Variants in PKIB observed in about 807,000 individuals in gnomAD.
The protein encoded by PKIB is cAMP-dependent protein kinase inhibitor beta.
In PKIB, 2 loss-of-function variants were observed where a neutral mutation model predicts 4.5. The ratio of observed to expected loss-of-function variants is 0.44; its 90% confidence interval spans 0.18 to 1.39. The LOEUF (loss-of-function observed/expected upper bound fraction) is 1.39, where lower values mean the gene tolerates loss of function less well. PKIB is among the 40% of genes most tolerant of loss of function. The pLI is 0.27. For missense variants in PKIB, 94 were observed against 92.6 expected, an observed-to-expected ratio of 1.02 and a Z score of -0.06; for synonymous variants, 38 against 36.0, an observed-to-expected ratio of 1.06 and a Z score of -0.20.
intron 3 of PKIB, among the ~76,000 whole-genome samples, chr6:122,711,626 GAC>G (rs1200146382): frequency 6.6e-6 from 1 of 152,096 alleles, no homozygotes; most frequent in Non-Finnish European, 1.5e-5. Flanking sequence ...CCCAAACACA[GAC>G]ACATACTCAA....
intron 2 of PKIB, among the ~76,000 whole-genome samples, chr6:122,488,229 C>T (rs571859979): frequency 6.6e-6 from 1 of 152,084 alleles, no homozygotes; most frequent in South Asian, 2.1e-4. Flanking sequence ...TATATATACA[C>T]ACACACACGC....
intron 1 of PKIB, among the ~76,000 whole-genome samples, chr6:122,477,060 A>G (rs1162380081): frequency 6.6e-6 from 1 of 152,230 alleles, no homozygotes; most frequent in Non-Finnish European, 1.5e-5. Flanking sequence ...AATTTTAAAG[A>G]TGCATTTAAT....
intron 3 of PKIB, among the ~76,000 whole-genome samples, chr6:122,594,057 A>G (rs1774093160): frequency 6.6e-6 from 1 of 152,182 alleles, no homozygotes; most frequent in Admixed American, 6.5e-5. Context: ...GGTTGTAATT[A>G]TGCCTAACAT....
intron 3 of PKIB, among the ~76,000 whole-genome samples, chr6:122,590,017 G>T (rs1773969436): frequency 6.6e-6 from 1 of 151,936 alleles, no homozygotes; most frequent in Admixed American, 6.6e-5. Flanking sequence ...GATATTAATA[G>T]AAATCAGAAA....
Position 122,502,707 on chromosome 6 carries a change from A to T in PKIB, c.-248+24768A>T, listed in dbSNP as rs183860894. On this transcript the variant is annotated intron_variant, in intron 2 of 6. Coordinates refer to the PKIB transcript ENST00000392491. ...GGTTGGGGACAAAGAGCTAAACCACATCATGTGTCAAACATATTTTCTTTA... is the reference window on the plus strand; with the variant it reads ...GGTTGGGGACAAAGAGCTAAACCACTTCATGTGTCAAACATATTTTCTTTA... 3.6e-3 allele frequency among the ~76,000 whole-genome samples: 554 copies of T among 152,288 alleles called. 3 individuals are homozygous for T. The highest frequency in any genetic ancestry group is 0.01 in the Middle Eastern group (3 of 294).
chr6:122,629,506 A>G (rs1386654247), intron 1 of PKIB, among the ~76,000 whole-genome samples: 1 of 152,224 alleles, frequency 6.6e-6, no homozygotes, highest in African/African-American at 2.4e-5. Flanking sequence ...CAACATCCTC[A>G]AAGAGGTAGA....
In PKIB at chr6:122,508,674, TTTAA is replaced by T. The variant is rs1776493257; in HGVS notation, c.-248+30740_-248+30743del. 2.6e-5 allele frequency among the ~76,000 whole-genome samples: 4 copies of T among 152,198 alleles called. No individual in the cohort carries two copies. In the South Asian group the frequency reaches 6.2e-4, roughly 24 times the overall value. ...GATAAAGCTGTTTACCAATAATATA[TTTAA>T]TTAAGGCAGTTTTAATATGTTGAGT... On this transcript the variant is annotated intron_variant, in intron 2 of 6. Coordinates refer to the PKIB transcript ENST00000392491.
chr6:122,642,028 C>T (rs1776138537), intron 2 of PKIB, among the ~76,000 whole-genome samples: 1 of 152,190 alleles, frequency 6.6e-6, no homozygotes, highest in African/African-American at 2.4e-5. Context: ...TTCAGCCAAT[C>T]ACAGACACCC....
At chr6:122,604,112 T>C (rs1459297898) in intron 3 of PKIB, among the ~76,000 whole-genome samples, 2 of 152,244 alleles carry the variant, frequency 1.3e-5, no homozygotes, top group African/African-American at 4.8e-5. Context: ...ATTCATGTAC[T>C]GGTCCTGAAA....
At chr6:122,662,274 T>TCTCTTTC (rs1554229187) in intron 2 of PKIB, among the ~76,000 whole-genome samples, 1 of 146,134 alleles carries the variant, frequency 6.8e-6, no homozygotes, top group Non-Finnish European at 1.5e-5. Context: ...TAAACCAAGG[T>TCTCTTTC]CTCTTTCTCT....
At chr6:122,495,208 A>AT (rs1238278924) in intron 2 of PKIB, among the ~76,000 whole-genome samples, 1 of 152,144 alleles carries the variant, frequency 6.6e-6, no homozygotes, top group African/African-American at 2.4e-5. Flanking sequence ...GCACCTCTGC[A>AT]TGCCACCAAT....
chr6:122,507,658 T>C (rs1776451429), intron 2 of PKIB, among the ~76,000 whole-genome samples: 1 of 151,292 alleles, frequency 6.6e-6, no homozygotes, highest in Admixed American at 6.6e-5. Context: ...GGTGGAAATC[T>C]TGGCTTAAAA....
chr6:122,649,145 A>G (rs943215125), intron 2 of PKIB, among the ~76,000 whole-genome samples: 3 of 152,198 alleles, frequency 2.0e-5, no homozygotes, highest in Admixed American at 6.5e-5. Flanking sequence ...GTCTATCTGC[A>G]TACCTCTTCT....
At chr6:122,723,343 A>T (rs1779816037) in intron 4 of PKIB, among the ~76,000 whole-genome samples, 1 of 152,168 alleles carries the variant, frequency 6.6e-6, no homozygotes, top group Non-Finnish European at 1.5e-5. Flanking sequence ...CTTAATGGGT[A>T]TAAAAGCGAA....
intron 3 of PKIB, among the ~76,000 whole-genome samples, chr6:122,675,370 A>G (rs1777630358): frequency 6.6e-6 from 1 of 152,152 alleles, no homozygotes; most frequent in Admixed American, 6.5e-5. Flanking sequence ...TATAGCTCAT[A>G]AATATTTGGT....
intron 2 of PKIB, among the ~76,000 whole-genome samples, chr6:122,664,540 T>C (rs565994734): frequency 6.6e-6 from 1 of 152,280 alleles, no homozygotes; most frequent in East Asian, 1.9e-4. Flanking sequence ...TCCTCCCAAG[T>C]AGCTGGGACT....
intron 2 of PKIB, among the ~76,000 whole-genome samples, chr6:122,641,273 C>G (rs574363028): frequency 6.6e-6 from 1 of 152,118 alleles, no homozygotes; most frequent in South Asian, 2.1e-4. Context: ...TCTGTTCTCC[C>G]TGTGAAATTT....
chr6:122,723,080 C>T (rs1779806076), intron 4 of PKIB, among the ~76,000 whole-genome samples: 1 of 152,130 alleles, frequency 6.6e-6, no homozygotes, highest in South Asian at 2.1e-4. Context: ...TCCCTGGCTG[C>T]TCCTCCTTCA....
chr6:122,687,417 C>T lies in PKIB; in HGVS notation c.-9+12273C>T, dbSNP rs372667376. Among the ~76,000 whole-genome samples the T allele has an allele frequency of 4.6e-5, 7 of 151,998 alleles. No homozygotes were observed. In the East Asian group the frequency reaches 1.2e-3, roughly 25 times the overall value. Reference sequence around the variant, plus strand: ...AGGTCATGTGATTCCTCTTGTTTTGCTATTTTTGCTTAGGATAGCTTTGGC... The same window carrying T: ...AGGTCATGTGATTCCTCTTGTTTTGTTATTTTTGCTTAGGATAGCTTTGGC... On this transcript the variant is annotated intron_variant, in intron 3 of 4. Transcript: ENST00000368452.
Sources: gnomAD v4.1 joint callset for allele counts (sites outside exome capture counted in the v4.1 genomes callset) on GRCh38, gnomAD v4.1.1 for gene constraint, MANE v1.5 for transcripts, NCBI Gene and HGNC (gene_info 2026-07-23, HGNC 2026-07-21) for gene names.